The following PCBD2 variants were observed in gnomAD, a reference collection of about 807,000 sequenced individuals.
The protein encoded by PCBD2 is pterin-4-alpha-carbinolamine dehydratase 2.
In PCBD2, 12 loss-of-function variants were observed where a neutral mutation model predicts 16.4. The observed-to-expected ratio is 0.73, with a 90% CI of 0.47 to 1.19. The LOEUF (loss-of-function observed/expected upper bound fraction) is 1.19. PCBD2 is among the 50% of genes most tolerant of loss of function. The pLI, the probability that PCBD2 is intolerant of heterozygous loss-of-function variation, is 0.00. For missense variants in PCBD2, 138 were observed against 156.8 expected (o/e 0.88, Z 0.64); for synonymous variants, 58 against 61.8 (o/e 0.94, Z 0.29).
intron 2 of PCBD2, among the ~76,000 whole-genome samples, chr5:134,942,607 C>G (rs1213782251): frequency 1.3e-5 from 2 of 152,006 alleles, no homozygotes; most frequent in African/African-American, 4.8e-5. Context: ...CAGGTATTGC[C>G]ATTGAGATGA....
At chr5:134,949,482 T>G (rs1300833858) in intron 2 of PCBD2, among the ~76,000 whole-genome samples, 1 of 152,188 alleles carries the variant, frequency 6.6e-6, no homozygotes, top group African/African-American at 2.4e-5. Flanking sequence ...TTTCAAAAGT[T>G]AAGTAACTTT....
At chr5:134,959,240 C>G in intron 3 of PCBD2, 120 bp downstream of exon 3, 1 of 710,500 alleles carries the variant, frequency 1.4e-6, no homozygotes, top group Non-Finnish European at 2.3e-6. Flanking sequence ...TCCTTTCTCT[C>G]AGAATCCCTG....
chr5:134,956,096 G>A (rs1561915845), intron 2 of PCBD2, among the ~76,000 whole-genome samples: 1 of 152,174 alleles, frequency 6.6e-6, no homozygotes, highest in Non-Finnish European at 1.5e-5. Flanking sequence ...ATGGAAGAAG[G>A]ATTATGGAAT....
chr5:134,960,840 C>T lies in PCBD2; in HGVS notation c.*159C>T, dbSNP rs945601666. 1.8e-6 allele frequency: 1 copy of T among 560,670 alleles called. No homozygotes were observed. Among genetic ancestry groups the T allele is most frequent in the African/African-American group, 1.9e-5 (1 of 51,644 alleles). The allele number at this position is 560,670 out of a possible 1,614,324, so 34.7% of individuals were successfully genotyped here. On this transcript the variant is annotated 3_prime_UTR_variant, in exon 4 of 4. Transcript: ENST00000254908. Reference sequence around the variant, plus strand: ...AGAGTGCAGTGGTATGATCTCGGCTCACTGTAACCTCCGCCTCCCAGGTTC... The same window carrying T: ...AGAGTGCAGTGGTATGATCTCGGCTTACTGTAACCTCCGCCTCCCAGGTTC...
At chr5:134,930,658 G>T (rs1187646807) in intron 2 of PCBD2, among the ~76,000 whole-genome samples, 1 of 152,180 alleles carries the variant, frequency 6.6e-6, no homozygotes, top group East Asian at 1.9e-4. Flanking sequence ...CCATGAGAGA[G>T]ACTAAGACTG....
intron 2 of PCBD2, among the ~76,000 whole-genome samples, chr5:134,921,391 TG>T (rs948905485): frequency 2.4e-4 from 36 of 152,076 alleles, no homozygotes; most frequent in Non-Finnish European, 8.8e-5. Context: ...AGTTTTGAGT[TG>T]GTTCTTGAAG....
intron 2 of PCBD2, among the ~76,000 whole-genome samples, chr5:134,946,104 A>C (rs186042048): frequency 6.6e-6 from 1 of 151,446 alleles, no homozygotes; most frequent in Admixed American, 6.6e-5. Flanking sequence ...AGATTGTTTA[A>C]AACAAAAACA....
intron 2 of PCBD2, among the ~76,000 whole-genome samples, chr5:134,952,313 G>A (rs1394022320): frequency 6.6e-6 from 1 of 152,040 alleles, no homozygotes; most frequent in East Asian, 1.9e-4. Flanking sequence ...GCATTCCAGA[G>A]AATGTTTTCA....
intron 2 of PCBD2, among the ~76,000 whole-genome samples, chr5:134,932,072 G>A (rs1337532093): frequency 2.0e-5 from 3 of 152,194 alleles, no homozygotes. Context: ...GTGGAACTCT[G>A]CATACAGAAG....
Position 134,922,837 on chromosome 5 carries a change from T to C in PCBD2, c.216+12371T>C, listed in dbSNP as rs555261845. Among the ~76,000 whole-genome samples, 22 of 152,034 alleles carry C rather than the reference T, an allele frequency of 1.4e-4. No homozygotes were observed. In the South Asian group the frequency reaches 4.4e-3, roughly 30 times the overall value. ...GCCACCACGCCCAGCTAATTTTTTGTATTTATTTATTTATTTTTTTAGTAG... is the reference window on the plus strand; with the variant it reads ...GCCACCACGCCCAGCTAATTTTTTGCATTTATTTATTTATTTTTTTAGTAG... On this transcript the variant is annotated intron_variant, in intron 2 of 3. Transcript: ENST00000254908.
At chr5:134,923,813 G>A (rs2149532682) in intron 2 of PCBD2, 2 of 394,064 alleles carry the variant, frequency 5.1e-6, no homozygotes, top group African/African-American at 4.1e-5. Context: ...GAAGGTAGCG[G>A]ATGATTCAGC....
At chr5:134,927,135 A>T (rs556789804) in intron 2 of PCBD2, 161 of 398,434 alleles carry the variant, frequency 4.0e-4, no homozygotes, top group African/African-American at 3.1e-3. Flanking sequence ...TTGGATGAGG[A>T]TGGCTGTTAC....
At chr5:134,908,306 A>G (rs538790811) in intron 1 of PCBD2, among the ~76,000 whole-genome samples, 1 of 144,854 alleles carries the variant, frequency 6.9e-6, no homozygotes, top group African/African-American at 2.6e-5. Context: ...GGCGTGTGCC[A>G]CCATGCCCAA....
Position 134,906,484 on chromosome 5 carries a change from A to G in PCBD2, c.84+1261A>G, listed in dbSNP as rs1317786558. 2.6e-5 allele frequency among the ~76,000 whole-genome samples: 4 copies of G among 152,198 alleles called. No homozygotes were observed. The East Asian group carries it at 7.7e-4, about 29-fold the overall frequency. The stretch of plus-strand genomic sequence containing the variant: ...CTCCCAAAGTGCTGTAATAGAAGAA[A>G]TTTAAAATAGCTCGAAGACGGAGGA... On this transcript the variant is annotated intron_variant, in intron 1 of 3. Coordinates refer to ENST00000254908, the MANE Select transcript of PCBD2 (RefSeq NM_032151.5).
chr5:134,947,389 ATT>A (rs1220114582), intron 2 of PCBD2, among the ~76,000 whole-genome samples: 6 of 103,054 alleles, frequency 5.8e-5, no homozygotes, highest in Non-Finnish European at 7.5e-5. Context: ...CCCGGCCTCA[ATT>A]TTTTTTTTTT....
chr5:134,958,045 G>GT (rs1214026587), intron 2 of PCBD2, among the ~76,000 whole-genome samples: 1 of 152,134 alleles, frequency 6.6e-6, no homozygotes, highest in Non-Finnish European at 1.5e-5. Context: ...CATCATATTG[G>GT]TTTTTCTGGA....
At chr5:134,941,750 GA>G (rs1177506204) in intron 2 of PCBD2, among the ~76,000 whole-genome samples, 4 of 151,930 alleles carry the variant, frequency 2.6e-5, no homozygotes, top group African/African-American at 4.8e-5. Context: ...AGGGCACAGG[GA>G]AAAAAACTAC....
At chr5:134,937,895 AACCATCTTAT>A (rs1449845099) in intron 2 of PCBD2, among the ~76,000 whole-genome samples, 1 of 152,220 alleles carries the variant, frequency 6.6e-6, no homozygotes, top group Non-Finnish European at 1.5e-5. Context: ...TAAAATGGCA[AACCATCTTAT>A]ACATGTTATT....
chr5:134,930,523 G>C (rs911603726), intron 2 of PCBD2, among the ~76,000 whole-genome samples: 3 of 152,234 alleles, frequency 2.0e-5, no homozygotes, highest in African/African-American at 7.2e-5. Flanking sequence ...GAGAGAGGGT[G>C]CTCTGCATTG....
Sources: allele counts gnomAD v4.1 joint callset (sites outside exome capture counted in the v4.1 genomes callset), GRCh38; gene constraint gnomAD v4.1.1; transcripts MANE v1.5; gene names NCBI Gene and HGNC (gene_info 2026-07-23, HGNC 2026-07-21).